Variants in CIROP observed in about 807,000 individuals in gnomAD.
The protein encoded by CIROP is ciliated left-right organizer metallopeptidase.
chr14:23,102,574 G>C, the CIROP span: 10 of 701,842 alleles, frequency 1.4e-5, no homozygotes, highest in Non-Finnish European at 2.1e-5. Flanking sequence ...TTATGAGATA[G>C]TGAATTTCCT....
chr14:23,104,901 A>AGCGGCG, the CIROP span: 1 of 568,604 alleles, frequency 1.8e-6, no homozygotes, highest in Non-Finnish European at 3.1e-6. Flanking sequence ...CAGCAGCAGC[A>AGCGGCG]GCAGCAGCAG....
chr14:23,104,726 T>C, the CIROP span: 1 of 702,890 alleles, frequency 1.4e-6, no homozygotes, highest in Middle Eastern at 2.3e-4. Flanking sequence ...GATAGCAGCT[T>C]TGGATTCGTA....
At chr14:23,101,010 C>T in the CIROP span, 1 of 399,180 alleles carries the variant, frequency 2.5e-6, no homozygotes, top group African/African-American at 2.1e-5. Flanking sequence ...GAAGTAACAG[C>T]ATTGATATCT....
chr14:23,104,259 C>T, the CIROP span: 3 of 671,534 alleles, frequency 4.5e-6, no homozygotes, highest in Admixed American at 4.3e-5. Flanking sequence ...CCCCAGGCAA[C>T]TCTCTCCTTT....
At chr14:23,103,457 G>A in the CIROP span, 2 of 503,142 alleles carry the variant, frequency 4.0e-6, no homozygotes, top group Non-Finnish European at 7.0e-6. Context: ...AGGAGGCTGA[G>A]ATGGGAGGAT....
the CIROP span, chr14:23,104,886 GGCAGCA>G: frequency 5.1e-5 from 23 of 453,526 alleles, no homozygotes; most frequent in South Asian, 3.5e-4. Context: ...GACTAGTGGC[GGCAGCA>G]GCAGCAGCAG....
chr14:23,100,669 A>G, the CIROP span: 1 of 399,132 alleles, frequency 2.5e-6, no homozygotes, highest in East Asian at 3.6e-5. Flanking sequence ...TTGATGGGCC[A>G]TGGAAATAGC....
the CIROP span, chr14:23,101,011 A>C: frequency 0.015 from 6,058 of 399,268 alleles, 235 homozygotes; most frequent in African/African-American, 0.079. Flanking sequence ...AAGTAACAGC[A>C]TTGATATCTT....
chr14:23,100,343 G>A, the CIROP span: 1 of 410,466 alleles, frequency 2.4e-6, no homozygotes, highest in Admixed American at 4.4e-5. Context: ...GGAGGAGGGA[G>A]TCAGGTAGTG....
the CIROP span, chr14:23,102,637 C>T: frequency 2.8e-6 from 2 of 702,910 alleles, no homozygotes; most frequent in Admixed American, 4.0e-5. Context: ...ACCACTGAAT[C>T]CTGAGGGGCA....
chr14:23,103,157 T>G, the CIROP span: 1 of 443,134 alleles, frequency 2.3e-6, no homozygotes, highest in Non-Finnish European at 3.9e-6. Context: ...TGCAGAACTC[T>G]GCAGGAGTGG....
the CIROP span, chr14:23,104,442 T>C: frequency 1.4e-6 from 1 of 702,986 alleles, no homozygotes; most frequent in Admixed American, 2.0e-5. Flanking sequence ...CTGTGCAGGG[T>C]CTCGACTCAG....
chr14:23,102,387 A>C, the CIROP span: 9 of 702,804 alleles, frequency 1.3e-5, no homozygotes, highest in Non-Finnish European at 2.3e-5. Flanking sequence ...CGACACTCCC[A>C]AGTGTTTGGC....
At chr14:23,101,468 G>C in the CIROP span, 1 of 607,564 alleles carries the variant, frequency 1.6e-6, no homozygotes, top group Non-Finnish European at 2.9e-6. Context: ...TGTGAAGTGA[G>C]GTTGGCAAAG....
the CIROP span, chr14:23,101,233 A>T: frequency 2.2e-6 from 1 of 450,724 alleles, no homozygotes; most frequent in South Asian, 6.7e-5. Flanking sequence ...ACCACCATAC[A>T]AGTATTTCCC....
At chr14:23,102,655 C>T in the CIROP span, 7 of 702,914 alleles carry the variant, frequency 1.0e-5, no homozygotes, top group Admixed American at 1.0e-4. Context: ...GCAGTCTCGC[C>T]ATTTCTTGAA....
At chr14:23,104,904 A>T in the CIROP span, 6 of 104,716 alleles carry the variant, frequency 5.7e-5, no homozygotes, top group Admixed American at 4.2e-4. Flanking sequence ...CAGCAGCAGC[A>T]GCAGCAGCAG....
At chr14:23,101,601 T>C in the CIROP span, 1 of 702,056 alleles carries the variant, frequency 1.4e-6, no homozygotes. Flanking sequence ...GTGTTTGTTC[T>C]GATGCCTTTG....
chr14:23,100,663 T>C, the CIROP span: 1 of 399,014 alleles, frequency 2.5e-6, no homozygotes, highest in Non-Finnish European at 4.4e-6. Context: ...TGGTAATTGA[T>C]GGGCCATGGA....
Sources: gnomAD v4.1 joint callset for allele counts on GRCh38, gnomAD v4.1.1 for gene constraint, MANE v1.5 for transcripts, NCBI Gene and HGNC (gene_info 2026-07-23, HGNC 2026-07-21) for gene names.